The following FMO1 variants were observed in gnomAD, a reference collection of about 807,000 sequenced individuals.
FMO1 encodes flavin containing dimethylaniline monoxygenase 1.
Under a neutral mutation model 45.4 loss-of-function variants are expected in FMO1, and 36 were observed. That is an observed-to-expected ratio of 0.79 (90% CI 0.61 to 1.05). FMO1 has a LOEUF of 1.05. FMO1 is among the 50% of genes least tolerant of loss of function. The probability of loss-of-function intolerance (pLI) is 0.00; values close to 1 mark genes in which losing one functional copy is unlikely to be tolerated. For synonymous variants in FMO1, 228 were observed against 227.2 expected, an observed-to-expected ratio of 1.00 and a Z score of -0.03; for missense variants, 615 against 640.3, an observed-to-expected ratio of 0.96 and a Z score of 0.43.
chr1:171,268,561 G>C (rs188412345), intron 3 of FMO1, among the ~76,000 whole-genome samples: 1 of 152,214 alleles, frequency 6.6e-6, no homozygotes, highest in African/African-American at 2.4e-5. Context: ...CTGGAGACAG[G>C]AGGAAGGTAG....
chr1:171,271,687 C>A (rs757717186), intron 3 of FMO1: 50 of 627,464 alleles, frequency 8.0e-5, no homozygotes, highest in Non-Finnish European at 1.1e-4. Flanking sequence ...TGTACTGCCT[C>A]TTCTTATGTT....
At chr1:171,281,204 T>C (rs767547301) in intron 6 of FMO1, among the ~76,000 whole-genome samples, 1 of 152,206 alleles carries the variant, frequency 6.6e-6, no homozygotes, top group Non-Finnish European at 1.5e-5. Flanking sequence ...ATTATAATAA[T>C]CCTTTTATTA....
At chr1:171,254,436 T>A (rs1172606770) in intron 1 of FMO1, among the ~76,000 whole-genome samples, 1 of 152,114 alleles carries the variant, frequency 6.6e-6, no homozygotes, top group Non-Finnish European at 1.5e-5. Context: ...AATGAATTCA[T>A]TTTACCCATC....
rs1386014647 is a variant in FMO1 at position 171,278,876 on chromosome 1, A to C, written c.627+5A>C. ...GCCAGCCACCTGGCGGAAAAGGTACATTCCTGATGTTACTGGGTGAAGAGC... is the reference window on the plus strand; with the variant it reads ...GCCAGCCACCTGGCGGAAAAGGTACCTTCCTGATGTTACTGGGTGAAGAGC... On this transcript the variant is annotated splice_donor_5th_base_variant and intron_variant, in intron 5 of 8. Coordinates refer to ENST00000617670, the MANE Select transcript of FMO1 (RefSeq NM_001282693.2). The C allele has an allele frequency of 3.7e-6, 6 of 1,600,326 alleles. No homozygotes were observed. The highest frequency in any genetic ancestry group is 3.3e-4 in the Middle Eastern group (2 of 6,010).
intron 1 of FMO1, among the ~76,000 whole-genome samples, chr1:171,255,295 T>A (rs929281892): frequency 6.6e-6 from 1 of 152,212 alleles, no homozygotes; most frequent in African/African-American, 2.4e-5. Context: ...TTTCTCTCCA[T>A]GTTGATCCTT....
intron 1 of FMO1, among the ~76,000 whole-genome samples, chr1:171,256,303 T>C (rs1331324269): frequency 2.0e-5 from 3 of 150,144 alleles, no homozygotes; most frequent in African/African-American, 7.4e-5. Flanking sequence ...AAGAGTAGCA[T>C]TCTATCCCAT....
At chr1:171,273,975 C>T (rs1660987377) in intron 3 of FMO1, among the ~76,000 whole-genome samples, 1 of 152,004 alleles carries the variant, frequency 6.6e-6, no homozygotes, top group South Asian at 2.1e-4. Context: ...CGGCGAAACC[C>T]CATCTCTACT....
chr1:171,261,300 C>G (rs957773097), intron 2 of FMO1, among the ~76,000 whole-genome samples: 2 of 151,874 alleles, frequency 1.3e-5, no homozygotes, highest in Non-Finnish European at 2.9e-5. Context: ...ATTCCTTTCC[C>G]TCCTTCCCCA....
rs1661373651 is a variant in FMO1, at chr1:171,281,988, A to T, written c.838A>T (p.Lys280Ter). 2 of 1,602,448 alleles carry T rather than the reference A, an allele frequency of 1.2e-6. No homozygotes were observed. The highest frequency in any genetic ancestry group is 1.7e-6 in the Non-Finnish European group (2 of 1,174,400). The change falls in exon 7 of 9, where the codon AAA (lysine) becomes TAA (stop). Residue 280 changes from lysine to a stop codon, truncating the protein, a stop_gained. Transcript: ENST00000617670. LOFTEE classifies it high-confidence loss of function. Reference sequence around the variant, plus strand: ...CATGTTTTTGTTTAGGACTCAGCTGAAAGAGTTTGTGCTAAATGATGAGCT... The same window carrying T: ...CATGTTTTTGTTTAGGACTCAGCTGTAAGAGTTTGTGCTAAATGATGAGCT... ...GLIPEDRTQL[K>*]EFVLNDELPG...
Position 171,285,301 on chromosome 1 carries a change from G to A in FMO1, c.1356G>A (p.Met452Ile), listed in dbSNP as rs1351206857. ...YINAKPNLFS[M>I]LLTDPHLALT... ...ATGCAAAACCCAACCTGTTCTCTATGCTCCTAACGGATCCACATCTGGCTC... is the reference window on the plus strand; with the variant it reads ...ATGCAAAACCCAACCTGTTCTCTATACTCCTAACGGATCCACATCTGGCTC... Residue 452 changes from methionine (M) to isoleucine (I), a missense_variant, in exon 9 of 9, where the codon ATG (methionine) becomes ATA (isoleucine). Transcript: ENST00000617670. 6.2e-6 allele frequency: 10 copies of A among 1,613,730 alleles called. No individual in the cohort carries two copies. The highest frequency in any genetic ancestry group is 8.5e-6 in the Non-Finnish European group (10 of 1,179,894).
Position 171,281,003 on chromosome 1 carries a change from G to A in FMO1, c.827+18G>A, listed in dbSNP as rs1384139932. 2 of 1,608,156 alleles carry A rather than the reference G, an allele frequency of 1.2e-6. No individual in the cohort carries two copies. The highest frequency in any genetic ancestry group is 1.7e-6 in the Non-Finnish European group (2 of 1,174,998). On this transcript the variant is annotated intron_variant, in intron 6 of 8. Transcript: ENST00000617670. ...GAAGACAGGTAAATATAATGTGACT[G>A]CCAAGGGCTTTTAGGAAGAAGGAGC... is the stretch of plus-strand genomic sequence containing the variant.
At chr1:171,267,510 A>G (rs1384519591) in intron 2 of FMO1, 33 bp from the exon 3 acceptor site, 4 of 1,506,620 alleles carry the variant, frequency 2.7e-6, no homozygotes, top group South Asian at 2.7e-5. Context: ...TGAGCATGCA[A>G]TGAATGTTCA....
At chr1:171,271,860 G>T (rs1660880687) in intron 3 of FMO1, among the ~76,000 whole-genome samples, 1 of 152,220 alleles carries the variant, frequency 6.6e-6, no homozygotes, top group African/African-American at 2.4e-5. Context: ...CAGAAAATCT[G>T]CAGCCTGACA....
chr1:171,284,174 CAAAA>C (rs200976510), intron 8 of FMO1, among the ~76,000 whole-genome samples: 1 of 114,354 alleles, frequency 8.7e-6, no homozygotes, highest in Non-Finnish European at 1.7e-5. Context: ...GGTTCTGTGG[CAAAA>C]AAAAAAAAAC....
chr1:171,270,791 C>T (rs1040838717), intron 3 of FMO1: 2 of 799,620 alleles, frequency 2.5e-6, no homozygotes, highest in African/African-American at 3.6e-5. Flanking sequence ...TATCTAAAGA[C>T]ACATTCGGTA....
At chr1:171,271,452 G>C (rs1349060155) in intron 3 of FMO1, 2 of 988,342 alleles carry the variant, frequency 2.0e-6, no homozygotes, top group Admixed American at 1.7e-5. Context: ...CCACCTCTCT[G>C]AGCCTTTCTT....
Position 171,265,537 on chromosome 1 carries a change from CATAGAT to C in FMO1, c.133-2002_133-1997del, listed in dbSNP as rs557868137. 4.4e-4 allele frequency among the ~76,000 whole-genome samples: 67 copies of C among 150,760 alleles called. No individual in the cohort carries two copies. In the East Asian group the frequency reaches 9.5e-3, roughly 21 times the overall value. ...AATTTCAGTAAGTGTCATTAAACAA[CATAGAT>C]ATAAAGGAAAACAATTACAAAAAAT... On this transcript the variant is annotated intron_variant, in intron 2 of 8. Coordinates refer to ENST00000617670, the MANE Select transcript of FMO1 (RefSeq NM_001282693.2).
intron 1 of FMO1, among the ~76,000 whole-genome samples, chr1:171,256,061 T>C (rs975249235): frequency 2.0e-5 from 3 of 151,864 alleles, no homozygotes; most frequent in Admixed American, 1.3e-4. Context: ...ATCACGAGGT[T>C]AGGAGATCAA....
intron 1 of FMO1, chr1:171,251,928 A>G (rs1164415729): frequency 1.3e-5 from 2 of 151,996 alleles, no homozygotes; most frequent in South Asian, 2.1e-4. Flanking sequence ...GCATATGCAC[A>G]TAAGGAGCAA....
Sources: allele counts gnomAD v4.1 joint callset (sites outside exome capture counted in the v4.1 genomes callset), GRCh38; gene constraint gnomAD v4.1.1; transcripts MANE v1.5; gene names NCBI Gene and HGNC (gene_info 2026-07-23, HGNC 2026-07-21).